The following XKR9 variants were observed in gnomAD, a reference collection of about 807,000 sequenced individuals.
The protein encoded by XKR9 is XK-related protein 9.
XKR9 carries 32 observed loss-of-function variants against 32.0 expected under a neutral mutation model. That is an observed-to-expected ratio of 1.00 (90% CI 0.76 to 1.34). XKR9 has a LOEUF of 1.34. Ranked by LOEUF, XKR9 falls within the 40% of genes most tolerant of loss-of-function variation. The pLI, the probability that XKR9 is intolerant of heterozygous loss-of-function variation, is 0.00. For synonymous variants in XKR9, 168 were observed against 143.4 expected (o/e 1.17, Z -1.22); for missense variants, 546 against 429.7 (o/e 1.27, Z -2.39).
intron 2 of XKR9, among the ~76,000 whole-genome samples, chr8:70,777,503 C>T (rs934559263): frequency 2.2e-4 from 34 of 152,160 alleles, no homozygotes; most frequent in Non-Finnish European, 2.5e-4. Context: ...AATGGTATTT[C>T]TAGTTCTAGA....
chr8:70,863,292 A>C, the XKR9 span, among the ~76,000 whole-genome samples: 1 of 152,238 alleles, frequency 6.6e-6, no homozygotes, highest in Non-Finnish European at 1.5e-5. Flanking sequence ...ACATAAAAGA[A>C]TAATTCATAT....
chr8:70,738,109 T>G (rs1221954766), downstream of XKR9, among the ~76,000 whole-genome samples: 1 of 124,160 alleles, frequency 8.1e-6, no homozygotes, highest in Non-Finnish European at 1.9e-5. Flanking sequence ...TGGACTCTTT[T>G]TGGTTGGTAA....
At chr8:71,055,130 A>T in the XKR9 span, among the ~76,000 whole-genome samples, 1 of 152,208 alleles carries the variant, frequency 6.6e-6, no homozygotes, top group Non-Finnish European at 1.5e-5. Context: ...TAATATACTC[A>T]TTAGGTAGAT....
At chr8:71,022,438 A>G in the XKR9 span, among the ~76,000 whole-genome samples, 2 of 152,026 alleles carry the variant, frequency 1.3e-5, no homozygotes, top group African/African-American at 2.4e-5. Flanking sequence ...AATTTTAAAT[A>G]TATTATCCCA....
chr8:70,855,601 C>T, the XKR9 span, among the ~76,000 whole-genome samples: 4 of 152,198 alleles, frequency 2.6e-5, no homozygotes, highest in Non-Finnish European at 4.4e-5. Flanking sequence ...GGCAGGCCAA[C>T]GTTCAGATTC....
At chr8:70,721,760 G>T (rs372081908) in intron 4 of XKR9, among the ~76,000 whole-genome samples, 1 of 152,194 alleles carries the variant, frequency 6.6e-6, no homozygotes, top group Non-Finnish European at 1.5e-5. Context: ...GTGTGGTGCT[G>T]AGAAGAATGT....
the XKR9 span, among the ~76,000 whole-genome samples, chr8:70,829,365 A>G: frequency 6.6e-6 from 1 of 152,238 alleles, no homozygotes; most frequent in African/African-American, 2.4e-5. Context: ...GGAGGTTTTC[A>G]GGACTTATCT....
chr8:70,951,875 G>GT, the XKR9 span, among the ~76,000 whole-genome samples: 3 of 92,174 alleles, frequency 3.3e-5, no homozygotes, highest in African/African-American at 4.4e-5. Context: ...ATTGGGGGGG[G>GT]GGTGGTTCTC....
At chr8:70,727,306 T>A (rs1806504088) in intron 4 of XKR9, among the ~76,000 whole-genome samples, 1 of 150,182 alleles carries the variant, frequency 6.7e-6, no homozygotes. Context: ...AACTAAAATA[T>A]TTTTGAATTA....
the XKR9 span, among the ~76,000 whole-genome samples, chr8:70,917,573 C>T: frequency 6.6e-6 from 1 of 152,180 alleles, no homozygotes; most frequent in South Asian, 2.1e-4. Context: ...GATGTAACCC[C>T]ATCATAAGTG....
At chr8:70,888,843 C>G in the XKR9 span, among the ~76,000 whole-genome samples, 1 of 151,780 alleles carries the variant, frequency 6.6e-6, no homozygotes. Context: ...ACCATGCTGT[C>G]TTTGTTACAA....
the XKR9 span, among the ~76,000 whole-genome samples, chr8:71,003,432 AT>A: frequency 2.6e-5 from 4 of 152,144 alleles, no homozygotes; most frequent in East Asian, 7.7e-4. Context: ...CTTGGCTAAC[AT>A]TGTTTTCAGT....
At chr8:71,047,663 T>A in the XKR9 span, among the ~76,000 whole-genome samples, 1 of 152,202 alleles carries the variant, frequency 6.6e-6, no homozygotes, top group Non-Finnish European at 1.5e-5. Flanking sequence ...TTAAAAGTTA[T>A]CTGACTTTGT....
At chr8:70,731,324 C>CTT (rs34662858) in intron 4 of XKR9, among the ~76,000 whole-genome samples, 28 of 148,930 alleles carry the variant, frequency 1.9e-4, no homozygotes, top group Non-Finnish European at 2.5e-4. Context: ...ATTTCATATG[C>CTT]TTTTTTTTTT....
At chr8:70,722,010 G>A (rs190696204) in intron 4 of XKR9, among the ~76,000 whole-genome samples, 2 of 152,254 alleles carry the variant, frequency 1.3e-5, no homozygotes, top group Admixed American at 1.3e-4. Flanking sequence ...ATTTAGGATA[G>A]TTAGGTCTTC....
At position 70,773,296 on chromosome 8, in the gene XKR9, T is replaced by C. The variant is rs138197638; in HGVS notation, n.353-16043T>C. Among the ~76,000 whole-genome samples the C allele has an allele frequency of 1.6e-3, 241 of 152,346 alleles. 1 individual carries two copies. Among genetic ancestry groups the C allele is most frequent in the African/African-American group, 5.6e-3 (233 of 41,594 alleles). On this transcript the variant is annotated intron_variant and non_coding_transcript_variant, in intron 2 of 3. Coordinates refer to the XKR9 transcript ENST00000520273. ...ATGGATATGCAGGGAAGCAGGCCTA[T>C]GGCTTAATTAAGTCAGAGATTATGC...
downstream of XKR9, among the ~76,000 whole-genome samples, chr8:70,739,154 G>A (rs961768465): frequency 2.0e-5 from 3 of 152,040 alleles, no homozygotes; most frequent in South Asian, 6.2e-4. Context: ...GGGTGCTCCT[G>A]TATTGGGTGT....
At chr8:70,794,016 T>C (rs924099891), downstream of XKR9, among the ~76,000 whole-genome samples, 9 of 152,114 alleles carry the variant, frequency 5.9e-5, no homozygotes, top group Non-Finnish European at 1.2e-4. Context: ...AAAGCAGAGA[T>C]ATTTAATTTC....
At chr8:71,010,247 C>T in the XKR9 span, among the ~76,000 whole-genome samples, 2 of 152,186 alleles carry the variant, frequency 1.3e-5, no homozygotes, top group East Asian at 1.9e-4. Flanking sequence ...AGCCTTTCCC[C>T]TGAATAAGGC....
Sources: allele counts gnomAD v4.1 joint callset (sites outside exome capture counted in the v4.1 genomes callset), GRCh38; gene constraint gnomAD v4.1.1; transcripts MANE v1.5; gene names NCBI Gene and HGNC (gene_info 2026-07-23, HGNC 2026-07-21).